AKAP6: variants seen among roughly 807,000 people sequenced by gnomAD.
AKAP6 encodes the protein A-kinase anchoring protein 6, also known as A-kinase anchor protein 6.
A neutral mutation model predicts 188.5 loss-of-function variants in AKAP6; 58 were observed. That is an observed-to-expected ratio of 0.31 (90% CI 0.25 to 0.38). The LOEUF (loss-of-function observed/expected upper bound fraction) is 0.38. Among genes scored for constraint, AKAP6 ranks in the 10% least tolerant of loss-of-function variants. AKAP6 has a pLI of 1.00. For synonymous variants in AKAP6, 989 were observed against 998.6 expected (o/e 0.99, Z 0.18); for missense variants, 2,710 against 2,740.0 (o/e 0.99, Z 0.24).
intron 7 of AKAP6, among the ~76,000 whole-genome samples, chr14:32,658,035 G>C (rs1004907619): frequency 5.3e-5 from 8 of 152,074 alleles, no homozygotes; most frequent in Admixed American, 5.2e-4. Flanking sequence ...AGGCAACGTA[G>C]ATTGTTTTAA....
At position 32,421,683 on chromosome 14, in the gene AKAP6, C is replaced by T. The variant is rs546380376; in HGVS notation, c.-34-11777C>T. Among the ~76,000 whole-genome samples the T allele has an allele frequency of 1.8e-4, 28 of 152,154 alleles. No homozygotes were observed. In the East Asian group the frequency reaches 2.1e-3, roughly 12 times the overall value. ...AAATCTCTGCTAATCCTTGACTGCC[C>T]GCTCATATTTAGGAGTAAAAGACTA... On this transcript the variant is annotated intron_variant, in intron 1 of 13. Transcript: ENST00000280979.
chr14:32,556,121 G>GT (rs1883675558), intron 4 of AKAP6, among the ~76,000 whole-genome samples: 1 of 151,830 alleles, frequency 6.6e-6, no homozygotes, highest in African/African-American at 2.4e-5. Flanking sequence ...TACTTTCTAG[G>GT]TTTTTTTAAA....
chr14:32,519,838 A>G (rs1881725697), intron 2 of AKAP6, among the ~76,000 whole-genome samples: 2 of 152,222 alleles, frequency 1.3e-5, no homozygotes, highest in African/African-American at 2.4e-5. Flanking sequence ...GCTCTGCACC[A>G]AGCAGACATA....
chr14:32,794,423 G>A (rs2033701290), intron 12 of AKAP6, among the ~76,000 whole-genome samples: 1 of 152,088 alleles, frequency 6.6e-6, no homozygotes, highest in Non-Finnish European at 1.5e-5. Flanking sequence ...AGCAATGCAT[G>A]GTGGTGCCCA....
At chr14:32,556,993 A>G (rs986700570) in intron 4 of AKAP6, among the ~76,000 whole-genome samples, 1 of 151,982 alleles carries the variant, frequency 6.6e-6, no homozygotes, top group Non-Finnish European at 1.5e-5. Context: ...CTTTTAGGAT[A>G]AGACACAGCT....
chr14:32,575,992 A>AT (rs535218822), intron 4 of AKAP6, among the ~76,000 whole-genome samples: 330 of 151,726 alleles, frequency 2.2e-3, no homozygotes, highest in Non-Finnish European at 3.9e-3. Flanking sequence ...TTTTCTCATG[A>AT]TTTTTTTTGA....
chr14:32,690,987 A>T (rs1890156218), intron 8 of AKAP6, among the ~76,000 whole-genome samples: 1 of 152,234 alleles, frequency 6.6e-6, no homozygotes, highest in Non-Finnish European at 1.5e-5. Flanking sequence ...TAACATATTC[A>T]TAGAGTATTA....
chr14:32,461,839 G>A (rs1302836960), intron 2 of AKAP6, among the ~76,000 whole-genome samples: 5 of 151,902 alleles, frequency 3.3e-5, no homozygotes, highest in Admixed American at 2.6e-4. Context: ...CTTGAATAGA[G>A]GTTATATAAA....
Position 32,682,327 on chromosome 14 carries a change from G to C in AKAP6, c.2879+3868G>C, listed in dbSNP as rs145966895. ...TGTGGCATGAAGCCGATACTGATCT[G>C]TGCAGTGAGAGAGAAGGGGAAATAG... On this transcript the variant is annotated intron_variant, in intron 8 of 13. Coordinates refer to ENST00000280979, the MANE Select transcript of AKAP6 (RefSeq NM_004274.5). 3.9e-5 allele frequency among the ~76,000 whole-genome samples: 6 copies of C among 152,330 alleles called. No homozygotes were observed. In the East Asian group the frequency reaches 9.7e-4, roughly 25 times the overall value.
At position 32,823,923 on chromosome 14, in the gene AKAP6, C is replaced by T. The variant is rs771388576; in HGVS notation, c.6110C>T (p.Ser2037Phe). The change falls in exon 13 of 14, where the codon TCC becomes TTC. Residue 2037 changes from serine to phenylalanine, a missense_variant. Physicochemically the swap from Ser to Phe is radical, Grantham distance 155 (BLOSUM62 -2). Transcript: ENST00000280979. ...GAAAATGCTTCTATCAGCAACATTT[C>T]CTGTTGCAACTGTGAGCCAGATGTT... ...TEENASISNI[S>F]CCNCEPDVFH... The T allele has an allele frequency of 1.9e-6, 3 of 1,613,930 alleles. No individual in the cohort carries two copies. Among genetic ancestry groups the T allele is most frequent in the South Asian group, 1.1e-5 (1 of 91,082 alleles).
rs532305481 is a variant in AKAP6 at position 32,422,333 on chromosome 14, TA to T, written c.-34-11125del. 2.9e-3 allele frequency among the ~76,000 whole-genome samples: 438 copies of T among 152,272 alleles called. 4 individuals carry two copies. The highest frequency in any genetic ancestry group is 9.2e-3 in the African/African-American group (384 of 41,566). ...TTCACACAGACTCTCTCAGATTTGA[TA>T]ATACACTAGAACAACTCATAGAACT... On this transcript the variant is annotated intron_variant, in intron 1 of 13. Coordinates refer to ENST00000280979, the MANE Select transcript of AKAP6 (RefSeq NM_004274.5).
chr14:32,506,275 CAG>C (rs1347407630), intron 2 of AKAP6, among the ~76,000 whole-genome samples: 1 of 152,092 alleles, frequency 6.6e-6, no homozygotes, highest in Non-Finnish European at 1.5e-5. Context: ...GTTTCTGAAT[CAG>C]GGGCTGGATA....
intron 11 of AKAP6, among the ~76,000 whole-genome samples, chr14:32,754,472 A>C (rs1202380219): frequency 6.6e-6 from 1 of 152,112 alleles, no homozygotes; most frequent in East Asian, 1.9e-4. Flanking sequence ...TTACCAAACT[A>C]TTTTAGCTAT....
intron 5 of AKAP6, among the ~76,000 whole-genome samples, chr14:32,583,404 G>C (rs538429557): frequency 1.3e-5 from 2 of 152,338 alleles, no homozygotes; most frequent in Non-Finnish European, 2.9e-5. Context: ...CCCCTACTGG[G>C]GGGTGCCTCC....
intron 12 of AKAP6, among the ~76,000 whole-genome samples, chr14:32,806,213 T>C (rs2034085011): frequency 1.3e-5 from 2 of 152,136 alleles, no homozygotes; most frequent in South Asian, 4.1e-4. Context: ...CCCAAAGAAT[T>C]TGCAAGATAA....
intron 2 of AKAP6, among the ~76,000 whole-genome samples, chr14:32,485,958 G>A (rs142837694): frequency 0.013 from 1,974 of 152,230 alleles, 43 homozygotes; most frequent in African/African-American, 0.044. Context: ...TAGGCCTTAC[G>A]TTTAAATCTT....
At chr14:32,376,809 G>C (rs1219118570) in intron 1 of AKAP6, among the ~76,000 whole-genome samples, 1 of 152,126 alleles carries the variant, frequency 6.6e-6, no homozygotes, top group Non-Finnish European at 1.5e-5. Context: ...TGATTCTCCT[G>C]CCTCAGCCTC....
chr14:32,442,007 T>C (rs1363759987), intron 2 of AKAP6, among the ~76,000 whole-genome samples: 1 of 152,228 alleles, frequency 6.6e-6, no homozygotes, highest in Admixed American at 6.5e-5. Context: ...CTATCTGTTT[T>C]TGTGGTCTCA....
intron 9 of AKAP6, among the ~76,000 whole-genome samples, chr14:32,722,557 C>T (rs2030603356): frequency 6.6e-6 from 1 of 152,104 alleles, no homozygotes; most frequent in Non-Finnish European, 1.5e-5. Flanking sequence ...GCCCCCTACC[C>T]TGTACCCGTA....
Sources: allele counts gnomAD v4.1 joint callset (sites outside exome capture counted in the v4.1 genomes callset), GRCh38; gene constraint gnomAD v4.1.1; transcripts MANE v1.5; gene names NCBI Gene and HGNC (gene_info 2026-07-23, HGNC 2026-07-21).